Variants in ZZZ3 observed in about 807,000 individuals in gnomAD.
The protein encoded by ZZZ3 is ZZ-type zinc finger-containing protein 3.
A neutral mutation model predicts 95.2 loss-of-function variants in ZZZ3; 22 were observed. That is an observed-to-expected ratio of 0.23 (90% confidence interval 0.17 to 0.33). The LOEUF is 0.33. ZZZ3 is among the 10% of genes least tolerant of loss of function. The pLI is 1.00. For synonymous variants in ZZZ3, 335 were observed against 358.9 expected, an observed-to-expected ratio of 0.93 and a Z score of 0.75; for missense variants, 885 against 1,066.5, an observed-to-expected ratio of 0.83 and a Z score of 2.37.
chr1:77,579,246 C>T (rs1180995089), intron 10 of ZZZ3, among the ~76,000 whole-genome samples: 3 of 151,982 alleles, frequency 2.0e-5, no homozygotes, highest in African/African-American at 7.3e-5. Flanking sequence ...CTCAGTATAA[C>T]CAAAAAGTAT....
At chr1:77,575,855 G>A (rs1330348747) in intron 12 of ZZZ3, among the ~76,000 whole-genome samples, 1 of 152,114 alleles carries the variant, frequency 6.6e-6, no homozygotes, top group Non-Finnish European at 1.5e-5. Flanking sequence ...ATTAAAATAA[G>A]GTAGCTTCAT....
chr1:77,662,961 C>G (rs911332164), intron 1 of ZZZ3, among the ~76,000 whole-genome samples: 2 of 152,048 alleles, frequency 1.3e-5, no homozygotes, highest in African/African-American at 4.8e-5. Flanking sequence ...AAACATTAGC[C>G]AGGCATGGTA....
rs1384500710 is a variant in ZZZ3, at chr1:77,632,121, G to A, written c.1234C>T (p.Pro412Ser). The A allele has an allele frequency of 2.5e-6, 4 of 1,613,916 alleles. No homozygotes were observed. The highest frequency in any genetic ancestry group is 3.4e-6 in the Non-Finnish European group (4 of 1,179,998). ...CTAACAGTTGCATTTGTTTCATTAG[G>A]ACTAAGATTATTCTCCTCAAATTGT... ...NGQFEENNLS[P>S]NETNATVSDN... Residue 412 changes from proline (P) to serine (S), a missense_variant, in exon 5 of 15, where the codon CCT becomes TCT. Pro to Ser is a moderately conservative substitution (Grantham distance 74). This residue lies in a region of ZZZ3 where 556 missense variants were observed against 652.9 expected (regional missense o/e 0.85). Transcript: ENST00000370801.
chr1:77,667,386 G>A (rs373714488), intron 1 of ZZZ3, among the ~76,000 whole-genome samples: 3 of 152,028 alleles, frequency 2.0e-5, no homozygotes, highest in East Asian at 1.9e-4. Flanking sequence ...TTTTTTAACC[G>A]TCTCCCTTGC....
intron 5 of ZZZ3, among the ~76,000 whole-genome samples, chr1:77,601,553 G>A (rs1486330839): frequency 6.6e-6 from 1 of 151,990 alleles, no homozygotes; most frequent in Non-Finnish European, 1.5e-5. Context: ...CCAATAGAAA[G>A]GTTGATTTTG....
At chr1:77,643,648 T>C (rs553174367) in intron 1 of ZZZ3, among the ~76,000 whole-genome samples, 1 of 152,344 alleles carries the variant, frequency 6.6e-6, no homozygotes, top group South Asian at 2.1e-4. Flanking sequence ...TCCTACTTCT[T>C]GCAGTCTTAA....
chr1:77,633,160 A>G lies in ZZZ3; in HGVS notation c.195T>C (p.Asn65=). The stretch of plus-strand genomic sequence containing the variant: ...GCTGTTTTAAATCAGTGGTTCTCCC[A>G]TTATTATTTCCTTTCTGAATTGGCA... ...EPVPIQKGNN[N]GRTTDLKQQS... The change falls in exon 5 of 15, where the codon AAT becomes AAC. Residue 65 remains asparagine (N), a synonymous_variant. Coordinates refer to ENST00000370801, the MANE Select transcript of ZZZ3 (RefSeq NM_015534.6). The G allele has an allele frequency of 6.2e-7, 1 of 1,613,954 alleles. No homozygotes were observed. The highest frequency in any genetic ancestry group is 8.5e-7 in the Non-Finnish European group (1 of 1,179,974).
intron 5 of ZZZ3, among the ~76,000 whole-genome samples, chr1:77,619,310 T>A (rs917894570): frequency 1.3e-5 from 2 of 152,184 alleles, no homozygotes; most frequent in African/African-American, 4.8e-5. Context: ...TAGGCTATCA[T>A]TTCATAGTAA....
intron 5 of ZZZ3, among the ~76,000 whole-genome samples, chr1:77,589,776 T>C (rs904025631): frequency 6.6e-6 from 1 of 152,106 alleles, no homozygotes; most frequent in Non-Finnish European, 1.5e-5. Flanking sequence ...TTAATTTTAC[T>C]GTCCAATTTC....
At chr1:77,663,962 C>A (rs1162148506) in intron 1 of ZZZ3, among the ~76,000 whole-genome samples, 1 of 151,956 alleles carries the variant, frequency 6.6e-6, no homozygotes, top group African/African-American at 2.4e-5. Flanking sequence ...ATTGGTCAGG[C>A]TGGTCTCGAA....
At chr1:77,580,347 G>A (rs1030068530) in intron 9 of ZZZ3, 1 of 151,954 alleles carries the variant, frequency 6.6e-6, no homozygotes, top group African/African-American at 2.4e-5. Context: ...ACCTCCCTTC[G>A]ACAACAAAAA....
chr1:77,607,962 G>A (rs1289215616), intron 5 of ZZZ3, among the ~76,000 whole-genome samples: 2 of 149,922 alleles, frequency 1.3e-5, no homozygotes, highest in Non-Finnish European at 3.0e-5. Context: ...AAAATACACA[G>A]AGGAAACAAC....
Position 77,632,790 on chromosome 1 carries a change from T to G in ZZZ3, c.565A>C (p.Asn189His), listed in dbSNP as rs1448150535. 1.2e-6 allele frequency: 2 copies of G among 1,614,066 alleles called. No individual in the cohort carries two copies. The highest frequency in any genetic ancestry group is 2.7e-5 in the African/African-American group (2 of 74,940). Residue 189 changes from asparagine to histidine, a missense_variant, in exon 5 of 15, where the codon AAT becomes CAT. Around this residue, in one of 5 missense-constraint regions of ZZZ3, gnomAD observed 556 missense variants for 652.9 expected, o/e 0.85. Transcript: ENST00000370801. ...KVNVSEEGPLNSAVVEEITGY... is the reference protein window; with the variant it reads ...KVNVSEEGPLHSAVVEEITGY... The stretch of plus-strand genomic sequence containing the variant: ...GTGATTTCTTCAACTACTGCAGAAT[T>G]AAGTGGCCCTTCCTCACTGACATTC...
intron 1 of ZZZ3, among the ~76,000 whole-genome samples, chr1:77,655,689 T>C (rs1464726106): frequency 6.6e-6 from 1 of 152,216 alleles, no homozygotes; most frequent in Non-Finnish European, 1.5e-5. Flanking sequence ...TAAAGCTGAA[T>C]TTGTCAGCAG....
intron 10 of ZZZ3, 24 bp from the exon 11 acceptor site, chr1:77,578,893 TAACAC>T: frequency 6.9e-7 from 1 of 1,458,730 alleles, no homozygotes; most frequent in Non-Finnish European, 9.2e-7. Context: ...ACAAGTCTCT[TAACAC>T]AATGAGATGA....
chr1:77,632,379 C>A lies in ZZZ3; in HGVS notation c.976G>T (p.Ala326Ser), dbSNP rs762712221. ...TTTTCTTTACACTGCTCTTTTGAGGCACTGCTATCTCCCACCACATCTACT... is the reference window on the plus strand; with the variant it reads ...TTTTCTTTACACTGCTCTTTTGAGGAACTGCTATCTCCCACCACATCTACT... ...EEVDVVGDSS[A>S]SKEQCKENTN... is the part of the protein sequence containing the mutation. Residue 326 changes from alanine to serine, a missense_variant, in exon 5 of 15, where the codon GCC becomes TCC. Transcript: ENST00000370801. 22 of 1,614,144 alleles carry A rather than the reference C, an allele frequency of 1.4e-5. No homozygotes were observed. In the South Asian group the frequency reaches 2.4e-4, roughly 18 times the overall value.
chr1:77,681,526 C>A (rs1487961977), intron 1 of ZZZ3, among the ~76,000 whole-genome samples: 1 of 152,162 alleles, frequency 6.6e-6, no homozygotes, highest in African/African-American at 2.4e-5. Flanking sequence ...ATTTCAAACT[C>A]ATTTAAGAAA....
intron 1 of ZZZ3, among the ~76,000 whole-genome samples, chr1:77,651,205 G>C (rs1029200906): frequency 1.1e-4 from 17 of 152,096 alleles, no homozygotes; most frequent in Non-Finnish European, 2.4e-4. Flanking sequence ...GCAACAAAGA[G>C]AGACCCCATC....
intron 5 of ZZZ3, among the ~76,000 whole-genome samples, chr1:77,613,902 T>G (rs1358917609): frequency 6.6e-6 from 1 of 152,130 alleles, no homozygotes; most frequent in Non-Finnish European, 1.5e-5. Context: ...GCCCTTAGAC[T>G]GAATGCCACA....
Sources: allele counts gnomAD v4.1 joint callset (sites outside exome capture counted in the v4.1 genomes callset), GRCh38; gene constraint gnomAD v4.1.1; regional missense constraint gnomAD v4.1.1; transcripts MANE v1.5; gene names NCBI Gene and HGNC (gene_info 2026-07-23, HGNC 2026-07-21).